ZCCHC2: variants seen among roughly 807,000 people sequenced by gnomAD.
ZCCHC2 encodes the protein zinc finger CCHC domain-containing protein 2.
Under a neutral mutation model 103.6 loss-of-function variants are expected in ZCCHC2, and 39 were observed. The ratio of observed to expected loss-of-function variants is 0.38; its 90% CI spans 0.29 to 0.49. ZCCHC2 has a LOEUF of 0.49. ZCCHC2 is among the 20% of genes least tolerant of loss of function. ZCCHC2 has a pLI of 0.96. For synonymous variants in ZCCHC2, 687 were observed against 608.9 expected (o/e 1.13, Z -1.89); for missense variants, 1,483 against 1,491.0 (o/e 0.99, Z 0.09).
intron 12 of ZCCHC2, among the ~76,000 whole-genome samples, chr18:62,572,263 GTA>G (rs1916626078): frequency 6.6e-6 from 1 of 152,156 alleles, no homozygotes; most frequent in Admixed American, 6.5e-5. Flanking sequence ...CAAACTTTCA[GTA>G]TGTTTCATTG....
In ZCCHC2 at chr18:62,524,016, G is replaced by A. The variant is rs1407995043; in HGVS notation, c.592G>A (p.Val198Met). 1 of 1,480,208 alleles carries A rather than the reference G, an allele frequency of 6.8e-7. No homozygotes were observed. The highest frequency in any genetic ancestry group is 2.6e-5 in the East Asian group (1 of 38,212). 91.7% of individuals were successfully genotyped at this position (1,480,208 alleles called of 1,614,324 possible). A position where few individuals can be genotyped will look rare whatever the true frequency, so the allele number is the denominator to read the frequency against. ...AGRLHRLLPQ[V>M]DSVLKSLRAA... The stretch of plus-strand genomic sequence containing the variant: ...CCGTCTGCACCGCCTGCTACCCCAG[G>A]TGGACTCGGTGCTCAAAAGCCTGCG... Residue 198 changes from valine to methionine, a missense_variant, in exon 1 of 14, where the codon GTG becomes ATG. Physicochemically the swap from Val to Met is conservative, Grantham distance 21. This residue lies in a region of ZCCHC2 where 568 missense variants were observed against 525.1 expected (regional missense o/e 1.08). Coordinates refer to ENST00000269499, the MANE Select transcript of ZCCHC2 (RefSeq NM_017742.6).
chr18:62,582,221 C>G (rs977872745), downstream of ZCCHC2, among the ~76,000 whole-genome samples: 3 of 152,076 alleles, frequency 2.0e-5, no homozygotes, highest in Non-Finnish European at 4.4e-5. Flanking sequence ...GGAAAGAGAG[C>G]CTGGAGGTTG....
At chr18:62,571,629 A>G (rs1220697814) in intron 12 of ZCCHC2, among the ~76,000 whole-genome samples, 1 of 152,230 alleles carries the variant, frequency 6.6e-6, no homozygotes, top group Non-Finnish European at 1.5e-5. Flanking sequence ...TGTATGTTGA[A>G]TGAGGATGTC....
intron 4 of ZCCHC2, among the ~76,000 whole-genome samples, chr18:62,548,561 T>A (rs2145504631): frequency 6.6e-6 from 1 of 152,340 alleles, no homozygotes; most frequent in South Asian, 2.1e-4. Context: ...GATATATGCC[T>A]GGTGTTATCA....
At chr18:62,530,651 G>A (rs1009419871) in intron 1 of ZCCHC2, among the ~76,000 whole-genome samples, 3 of 152,164 alleles carry the variant, frequency 2.0e-5, no homozygotes, top group Non-Finnish European at 4.4e-5. Context: ...TTTATTTGGA[G>A]CAGTTATTTT....
At chr18:62,579,298 C>T (rs1339587637), downstream of ZCCHC2, among the ~76,000 whole-genome samples, 1 of 152,232 alleles carries the variant, frequency 6.6e-6, no homozygotes, top group Non-Finnish European at 1.5e-5. Context: ...AGGCCCCTCT[C>T]TCAGTATAAT....
At chr18:62,559,547 A>T (rs1463096208) in intron 7 of ZCCHC2, among the ~76,000 whole-genome samples, 1 of 152,230 alleles carries the variant, frequency 6.6e-6, no homozygotes, top group Non-Finnish European at 1.5e-5. Context: ...AATTGACAGA[A>T]CTATTTTGGA....
In ZCCHC2 at chr18:62,578,100, T is replaced by G. The variant is rs532690736; in HGVS notation, c.*1521T>G. 1 of 152,550 alleles carries G rather than the reference T, an allele frequency of 6.6e-6. No individual in the cohort carries two copies. Among genetic ancestry groups the G allele is most frequent in the African/African-American group, 2.4e-5 (1 of 41,524 alleles). 9.4% of individuals were successfully genotyped at this position (152,550 alleles called of 1,614,324 possible). A position where few individuals can be genotyped will look rare whatever the true frequency, so the allele number is the denominator to read the frequency against. ...GAAAAAAGAAGCTTAATTTCATGCT[T>G]CATAAGTAGCATTTATATTTATAGC... On this transcript the variant is annotated 3_prime_UTR_variant, in exon 14 of 14. Coordinates refer to ENST00000269499, the MANE Select transcript of ZCCHC2 (RefSeq NM_017742.6).
intron 1 of ZCCHC2, among the ~76,000 whole-genome samples, chr18:62,535,938 G>T (rs1301062840): frequency 6.6e-6 from 1 of 152,190 alleles, no homozygotes; most frequent in East Asian, 1.9e-4. Flanking sequence ...AACTCTTACT[G>T]CTGTGTTATT....
chr18:62,525,554 G>GC (rs1181131031), intron 1 of ZCCHC2: 1 of 152,178 alleles, frequency 6.6e-6, no homozygotes, highest in African/African-American at 2.4e-5. Flanking sequence ...CTAAAATTGG[G>GC]CATGGTATTT....
Position 62,575,556 on chromosome 18 carries a change from C to A in ZCCHC2, c.3469+6C>A. 6.2e-7 allele frequency: 1 copy of A among 1,609,872 alleles called. No individual in the cohort carries two copies. Among genetic ancestry groups the A allele is most frequent in the South Asian group, 1.1e-5 (1 of 90,728 alleles). Reference sequence around the variant, plus strand: ...CATGGAGGCCAATCAACAAGGTAATCACAATAACTCCCAGAGGACTTGTTT... The same window carrying A: ...CATGGAGGCCAATCAACAAGGTAATAACAATAACTCCCAGAGGACTTGTTT... On this transcript the variant is annotated splice_donor_region_variant and intron_variant, in intron 13 of 13. Coordinates refer to ENST00000269499, the MANE Select transcript of ZCCHC2 (RefSeq NM_017742.6).
At chr18:62,537,003 A>G (rs1397353333) in intron 1 of ZCCHC2, among the ~76,000 whole-genome samples, 1 of 152,238 alleles carries the variant, frequency 6.6e-6, no homozygotes, top group South Asian at 2.1e-4. Flanking sequence ...TAAAATATAT[A>G]GCATAAAATT....
intron 12 of ZCCHC2, among the ~76,000 whole-genome samples, chr18:62,572,216 T>G (rs1916624490): frequency 6.6e-6 from 1 of 152,210 alleles, no homozygotes; most frequent in Non-Finnish European, 1.5e-5. Flanking sequence ...GCACCCAGCA[T>G]TAAATGAGAG....
At chr18:62,556,402 A>G in intron 6 of ZCCHC2, 105 bp downstream of exon 6, 5 of 822,892 alleles carry the variant, frequency 6.1e-6, no homozygotes, top group Non-Finnish European at 9.3e-6. Flanking sequence ...AAGTTAAGGA[A>G]TAGTGACATA....
Position 62,523,376 on chromosome 18 carries a change from G to GCGC in ZCCHC2, c.-48_-47insGCC. 4.3e-5 allele frequency: 44 copies of GCGC among 1,012,274 alleles called. No individual in the cohort carries two copies. The highest frequency in any genetic ancestry group is 4.8e-5 in the Non-Finnish European group (41 of 848,912). 62.7% of individuals were successfully genotyped at this position (1,012,274 alleles called of 1,614,324 possible). A position where few individuals can be genotyped will look rare whatever the true frequency, so the allele number is the denominator to read the frequency against. On this transcript the variant is annotated 5_prime_UTR_variant, in exon 1 of 14. Coordinates refer to ENST00000269499, the MANE Select transcript of ZCCHC2 (RefSeq NM_017742.6). Reference sequence around the variant, plus strand: ...GCCTCGGCCCGTGCTCCACCTCGCGGCCCCTCCCGCCCGCCCCCGCTCGCA... The same window carrying GCGC: ...GCCTCGGCCCGTGCTCCACCTCGCGGCGCCCCCTCCCGCCCGCCCCCGCTCGCA...
At chr18:62,555,808 CAA>C (rs71160849) in intron 5 of ZCCHC2, among the ~76,000 whole-genome samples, 3 of 136,316 alleles carry the variant, frequency 2.2e-5, no homozygotes, top group Non-Finnish European at 4.7e-5. Context: ...AATTCAGTCT[CAA>C]AAAAAAAAAA....
At chr18:62,576,284 T>G (rs746274914) in intron 13 of ZCCHC2, among the ~76,000 whole-genome samples, 14 of 152,246 alleles carry the variant, frequency 9.2e-5, no homozygotes, top group Non-Finnish European at 1.8e-4. Context: ...ATTGGGAATA[T>G]ATTTACTTGG....
chr18:62,559,093 T>C (rs1450059069), intron 7 of ZCCHC2, among the ~76,000 whole-genome samples: 1 of 152,214 alleles, frequency 6.6e-6, no homozygotes, highest in African/African-American at 2.4e-5. Context: ...ATATGTAAAA[T>C]GTAAAACTTA....
chr18:62,580,283 AT>A (rs1598972677), downstream of ZCCHC2, among the ~76,000 whole-genome samples: 1 of 151,634 alleles, frequency 6.6e-6, no homozygotes, highest in Admixed American at 6.6e-5. Context: ...GGTGGTTTTA[AT>A]TTTTTTTCTG....
Sources: gnomAD v4.1 joint callset for allele counts (sites outside exome capture counted in the v4.1 genomes callset) on GRCh38, gnomAD v4.1.1 for gene constraint, gnomAD v4.1.1 regional missense constraint, MANE v1.5 for transcripts, NCBI Gene and HGNC (gene_info 2026-07-23, HGNC 2026-07-21) for gene names.